Variants in DEPTOR observed in about 807,000 individuals in gnomAD.
DEPTOR encodes DEP domain containing MTOR interacting protein.
In DEPTOR, 41 loss-of-function variants were observed where a neutral mutation model predicts 41.6. The observed-to-expected ratio is 0.98, with a 90% CI of 0.77 to 1.28. DEPTOR has a LOEUF of 1.28. DEPTOR is among the 50% of genes most tolerant of loss of function. The pLI, the probability that DEPTOR is intolerant of heterozygous loss-of-function variation, is 0.00. For synonymous variants in DEPTOR, 195 were observed against 192.3 expected (o/e 1.01, Z -0.12); for missense variants, 514 against 527.9 (o/e 0.97, Z 0.26).
chr8:119,875,198 G>A (rs1827216176), intron 1 of DEPTOR, among the ~76,000 whole-genome samples: 1 of 152,120 alleles, frequency 6.6e-6, no homozygotes, highest in African/African-American at 2.4e-5. Context: ...CGGTGCCCGT[G>A]TGAAGAGACC....
chr8:120,029,463 T>G (rs1812851794), intron 8 of DEPTOR, among the ~76,000 whole-genome samples: 1 of 152,122 alleles, frequency 6.6e-6, no homozygotes, highest in Admixed American at 6.6e-5. Context: ...TGGCATGATC[T>G]CGGCTCACTG....
At chr8:119,932,171 G>T (rs911948482) in intron 3 of DEPTOR, among the ~76,000 whole-genome samples, 1 of 151,512 alleles carries the variant, frequency 6.6e-6, no homozygotes, top group Admixed American at 6.6e-5. Context: ...TTTTTGTAGA[G>T]ACAGGATCTC....
At chr8:119,995,018 CAGAAAAGA>C (rs1812238588) in intron 4 of DEPTOR, among the ~76,000 whole-genome samples, 1 of 149,810 alleles carries the variant, frequency 6.7e-6, no homozygotes, top group Non-Finnish European at 1.5e-5. Flanking sequence ...AAAAGAAAGG[CAGAAAAGA>C]TAGAGGAAAT....
intron 8 of DEPTOR, among the ~76,000 whole-genome samples, chr8:120,009,853 G>A (rs1487951975): frequency 6.6e-6 from 1 of 152,014 alleles, no homozygotes; most frequent in Admixed American, 6.6e-5. Flanking sequence ...TGGAGGTTTG[G>A]TCTCCAAACC....
chr8:119,953,596 A>G (rs1828380333), intron 3 of DEPTOR, among the ~76,000 whole-genome samples: 1 of 151,538 alleles, frequency 6.6e-6, no homozygotes, highest in African/African-American at 2.4e-5. Flanking sequence ...GTCTCAAAAA[A>G]AAAAAAAAAG....
intron 4 of DEPTOR, among the ~76,000 whole-genome samples, chr8:119,997,744 T>C (rs1812291913): frequency 1.3e-5 from 2 of 152,194 alleles, no homozygotes; most frequent in South Asian, 4.1e-4. Flanking sequence ...GAATAATTGT[T>C]TATTAACATA....
intron 3 of DEPTOR, among the ~76,000 whole-genome samples, chr8:119,958,787 AAAAAAG>A (rs1334062115): frequency 1.3e-5 from 2 of 152,110 alleles, no homozygotes; most frequent in African/African-American, 4.8e-5. Flanking sequence ...ATCTCAAAGA[AAAAAAG>A]AAAAAGAAGA....
In DEPTOR at chr8:119,930,014, G is replaced by A. The variant is rs1187346379; in HGVS notation, c.425+76G>A. ...AGAACTGTGCCAGTCTCATTATGTT[G>A]ATTTCAGCGTGGCTTTTCTATGTGG... is the stretch of plus-strand genomic sequence containing the variant. On this transcript the variant is annotated intron_variant, in intron 3 of 8. Coordinates refer to ENST00000286234, the MANE Select transcript of DEPTOR (RefSeq NM_022783.4). 4.7e-6 allele frequency: 7 copies of A among 1,490,938 alleles called. No homozygotes were observed. In the East Asian group the frequency reaches 1.6e-4, roughly 35 times the overall value. The allele number at this position is 1,490,938 out of a possible 1,614,324, so 92.4% of individuals were successfully genotyped here.
At chr8:119,971,552 T>C (rs1346820186) in intron 4 of DEPTOR, among the ~76,000 whole-genome samples, 1 of 152,200 alleles carries the variant, frequency 6.6e-6, no homozygotes, top group African/African-American at 2.4e-5. Flanking sequence ...TCCTGTCATA[T>C]GAGTTCAGTT....
chr8:120,026,348 AT>A (rs562994264), intron 8 of DEPTOR, among the ~76,000 whole-genome samples: 7 of 138,038 alleles, frequency 5.1e-5, no homozygotes, highest in East Asian at 2.2e-4. Flanking sequence ...AAGTATTCTA[AT>A]TTTTTTTTTT....
chr8:119,990,789 G>A (rs911589381), intron 4 of DEPTOR, among the ~76,000 whole-genome samples: 1 of 152,152 alleles, frequency 6.6e-6, no homozygotes, highest in African/African-American at 2.4e-5. Context: ...TGTTGTCAGT[G>A]CTAAGGAAGT....
intron 8 of DEPTOR, among the ~76,000 whole-genome samples, chr8:120,031,454 G>T (rs1812890962): frequency 6.6e-6 from 1 of 152,014 alleles, no homozygotes; most frequent in African/African-American, 2.4e-5. Context: ...GACAGAGTAA[G>T]ACTCTGTCTC....
chr8:120,038,152 C>T (rs529817474), intron 8 of DEPTOR, among the ~76,000 whole-genome samples: 1 of 151,488 alleles, frequency 6.6e-6, no homozygotes, highest in East Asian at 1.9e-4. Context: ...ACCTGTAGTC[C>T]CAGCTACTAG....
chr8:119,930,202 A>C (rs1828023949), intron 3 of DEPTOR, among the ~76,000 whole-genome samples: 1 of 152,174 alleles, frequency 6.6e-6, no homozygotes, highest in Non-Finnish European at 1.5e-5. Context: ...ATTTTTGTTT[A>C]CCATCAAATG....
intron 3 of DEPTOR, among the ~76,000 whole-genome samples, chr8:119,938,859 G>C (rs79485615): frequency 2.7e-4 from 35 of 131,096 alleles, no homozygotes; most frequent in South Asian, 1.1e-3. Context: ...CTCCCTCCCC[G>C]TTTCTCCCTC....
Position 120,001,467 on chromosome 8 carries a change from C to A in DEPTOR, c.605-58C>A, listed in dbSNP as rs574668717. The A allele has an allele frequency of 2.0e-6, 3 of 1,472,754 alleles. No individual in the cohort carries two copies. In the South Asian group the frequency reaches 4.1e-5, roughly 20 times the overall value. The allele number at this position is 1,472,754 out of a possible 1,614,324, so 91.2% of individuals were successfully genotyped here. A position where few individuals can be genotyped will look rare whatever the true frequency, so the allele number is the denominator to read the frequency against. ...GTTGCCTGCAGTCCTTTGGCTGTAG[C>A]GCTCAGTGGCCAGGATGCCAGATAG... On this transcript the variant is annotated intron_variant, in intron 4 of 8. Coordinates refer to ENST00000286234, the MANE Select transcript of DEPTOR (RefSeq NM_022783.4).
At chr8:120,040,749 T>C (rs1321762060) in intron 8 of DEPTOR, among the ~76,000 whole-genome samples, 2 of 152,218 alleles carry the variant, frequency 1.3e-5, no homozygotes, top group Non-Finnish European at 2.9e-5. Context: ...AACGTAAGTA[T>C]TCTAGAGAGA....
chr8:119,879,768 G>A (rs1053714749), intron 1 of DEPTOR, among the ~76,000 whole-genome samples: 10 of 151,688 alleles, frequency 6.6e-5, no homozygotes, highest in African/African-American at 1.2e-4. Flanking sequence ...CCAGCACTTT[G>A]GGAGGCCGAG....
intron 1 of DEPTOR, among the ~76,000 whole-genome samples, chr8:119,903,420 A>G (rs899719996): frequency 1.3e-5 from 2 of 152,024 alleles, no homozygotes; most frequent in Non-Finnish European, 2.9e-5. Context: ...TTTTTGCCCT[A>G]AGTTTGTTGC....
Sources: allele counts gnomAD v4.1 joint callset (sites outside exome capture counted in the v4.1 genomes callset), GRCh38; gene constraint gnomAD v4.1.1; transcripts MANE v1.5; gene names NCBI Gene and HGNC (gene_info 2026-07-23, HGNC 2026-07-21).